Variants in VDR observed in about 807,000 individuals in gnomAD.
VDR encodes the protein vitamin D3 receptor.
VDR carries 19 observed loss-of-function variants against 39.7 expected under a neutral mutation model. That is an observed-to-expected ratio of 0.48 (90% CI 0.33 to 0.70). VDR has a LOEUF of 0.70. VDR is among the 30% of genes least tolerant of loss of function. The probability of loss-of-function intolerance (pLI) is 0.02; values close to 1 mark genes in which losing one functional copy is unlikely to be tolerated. For synonymous variants in VDR, 242 were observed against 215.8 expected, an observed-to-expected ratio of 1.12 and a Z score of -1.07; for missense variants, 442 against 570.5, an observed-to-expected ratio of 0.77 and a Z score of 2.29.
chr12:47,850,963 A>T (rs1945376331), intron 7 of VDR, among the ~76,000 whole-genome samples: 1 of 151,924 alleles, frequency 6.6e-6, no homozygotes, highest in African/African-American at 2.4e-5. Context: ...CTTTCATCAG[A>T]CACCAAATCC....
At chr12:47,904,616 A>C in intron 1 of VDR, 1 of 1,535,868 alleles carries the variant, frequency 6.5e-7, no homozygotes, top group Non-Finnish European at 8.7e-7. Context: ...TCCTTTTCTT[A>C]TTCCTCCACT....
At chr12:47,896,833 C>T (rs1323544075) in intron 1 of VDR, 1 of 152,204 alleles carries the variant, frequency 6.6e-6, no homozygotes, top group Non-Finnish European at 1.5e-5. Context: ...GAAGTCACTT[C>T]CTGCCCCTGG....
chr12:47,877,610 C>T (rs915434751), intron 3 of VDR, among the ~76,000 whole-genome samples: 1 of 152,084 alleles, frequency 6.6e-6, no homozygotes, highest in East Asian at 1.9e-4. Flanking sequence ...CTGAGGTGTG[C>T]GTTAGATTCC....
At chr12:47,877,261 G>A (rs906919220) in intron 3 of VDR, among the ~76,000 whole-genome samples, 2 of 152,058 alleles carry the variant, frequency 1.3e-5, no homozygotes, top group Admixed American at 6.5e-5. Flanking sequence ...CGAGGAAAGT[G>A]GCTGGCTGGC....
At chr12:47,886,541 A>G (rs1362251325) in intron 1 of VDR, among the ~76,000 whole-genome samples, 1 of 152,182 alleles carries the variant, frequency 6.6e-6, no homozygotes, top group Non-Finnish European at 1.5e-5. Context: ...TTACTGTATA[A>G]ATAGAACATA....
At chr12:47,904,641 C>T in intron 1 of VDR, 1 of 1,535,746 alleles carries the variant, frequency 6.5e-7, no homozygotes, top group Non-Finnish European at 8.7e-7. Flanking sequence ...GCCAAGGCGC[C>T]CCGACAGAAG....
At chr12:47,869,429 G>T (rs979208461) in intron 3 of VDR, among the ~76,000 whole-genome samples, 2 of 151,638 alleles carry the variant, frequency 1.3e-5, no homozygotes, top group Admixed American at 1.3e-4. Context: ...CCAGCTACTC[G>T]GGAGGCTGAG....
chr12:47,880,649 A>G (rs373621026), intron 2 of VDR, among the ~76,000 whole-genome samples: 58 of 152,104 alleles, frequency 3.8e-4, no homozygotes, highest in South Asian at 8.3e-4. Context: ...AACCTCATTT[A>G]GCTTTTCTTT....
intron 7 of VDR, among the ~76,000 whole-genome samples, chr12:47,853,846 T>A (rs1007953729): frequency 6.6e-6 from 1 of 151,748 alleles, no homozygotes; most frequent in South Asian, 2.1e-4. Context: ...TGCTTGAACC[T>A]GGAAGGCGGA....
At chr12:47,852,738 G>C (rs901801097) in intron 7 of VDR, among the ~76,000 whole-genome samples, 1 of 152,150 alleles carries the variant, frequency 6.6e-6, no homozygotes, top group Non-Finnish European at 1.5e-5. Context: ...GGAAAGTTCT[G>C]GGTTTAGCTC....
intron 2 of VDR, among the ~76,000 whole-genome samples, chr12:47,882,418 G>A (rs1352191783): frequency 6.6e-6 from 1 of 152,142 alleles, no homozygotes; most frequent in Non-Finnish European, 1.5e-5. Flanking sequence ...GGAGATGGGG[G>A]CTGGATAGGA....
At chr12:47,849,365 C>T (rs1945341121) in intron 7 of VDR, among the ~76,000 whole-genome samples, 1 of 152,158 alleles carries the variant, frequency 6.6e-6, no homozygotes, top group South Asian at 2.1e-4. Flanking sequence ...CCTACATAAC[C>T]TCTGCAGGAC....
At chr12:47,874,541 A>T (rs563986034) in intron 3 of VDR, among the ~76,000 whole-genome samples, 1 of 152,292 alleles carries the variant, frequency 6.6e-6, no homozygotes, top group South Asian at 2.1e-4. Context: ...CCCATAATTA[A>T]CAAAGTCCTC....
At chr12:47,855,111 CG>C (rs928076552) in intron 7 of VDR, among the ~76,000 whole-genome samples, 4 of 152,134 alleles carry the variant, frequency 2.6e-5, no homozygotes, top group Non-Finnish European at 5.9e-5. Context: ...GGTTGGATCA[CG>C]AGGTCAGGTG....
At chr12:47,860,479 A>G (rs1945606185) in intron 4 of VDR, among the ~76,000 whole-genome samples, 1 of 152,256 alleles carries the variant, frequency 6.6e-6, no homozygotes, top group Admixed American at 6.5e-5. Context: ...CTGGCACACC[A>G]GAGAGCTGAG....
At chr12:47,855,538 A>G in intron 7 of VDR, 92 bp downstream of exon 7, 2 of 1,471,292 alleles carry the variant, frequency 1.4e-6, no homozygotes, top group Non-Finnish European at 1.9e-6. Context: ...AAAAATAAAA[A>G]AAAGAAGTGG....
chr12:47,871,294 C>CTT (rs1565622645), intron 3 of VDR, among the ~76,000 whole-genome samples: 1 of 90,538 alleles, frequency 1.1e-5, no homozygotes, highest in Admixed American at 1.1e-4. Context: ...TTCTCTTTCT[C>CTT]TTTCTTTCTT....
intron 3 of VDR, among the ~76,000 whole-genome samples, chr12:47,873,056 CTG>C (rs1319130655): frequency 6.6e-6 from 1 of 152,210 alleles, no homozygotes; most frequent in Admixed American, 6.5e-5. Context: ...TGGTTTGGCT[CTG>C]TGTCCCCACC....
rs186085433 is a variant in VDR, at chr12:47,841,996, T to A, written c.*2750A>T. 1 of 152,520 alleles carries A rather than the reference T, an allele frequency of 6.6e-6. No homozygotes were observed. Among genetic ancestry groups the A allele is most frequent in the Non-Finnish European group, 1.5e-5 (1 of 68,042 alleles). The allele number at this position is 152,520 out of a possible 1,614,324, so 9.4% of individuals were successfully genotyped here. ...AGCCCCATAAAAACTCATTTTCCCC[T>A]CTTTTCTTTTCCTCCCAGCTCCTAG... On this transcript the variant is annotated 3_prime_UTR_variant, in exon 10 of 10. Coordinates refer to ENST00000549336, the MANE Select transcript of VDR (RefSeq NM_000376.3).
Sources: gnomAD v4.1 joint callset for allele counts (sites outside exome capture counted in the v4.1 genomes callset) on GRCh38, gnomAD v4.1.1 for gene constraint, MANE v1.5 for transcripts, NCBI Gene and HGNC (gene_info 2026-07-23, HGNC 2026-07-21) for gene names.